Variants in NMNAT2 observed in about 807,000 individuals in gnomAD.
NMNAT2 encodes the protein nicotinamide nucleotide adenylyltransferase 2.
A neutral mutation model predicts 41.6 loss-of-function variants in NMNAT2; 11 were observed. The observed-to-expected ratio is 0.26, with a 90% confidence interval of 0.17 to 0.44. The LOEUF (loss-of-function observed/expected upper bound fraction) is 0.44. Among genes scored for constraint, NMNAT2 ranks in the 20% least tolerant of loss-of-function variants. NMNAT2 has a pLI of 1.00. For synonymous variants in NMNAT2, 148 were observed against 151.2 expected (o/e 0.98, Z 0.16); for missense variants, 288 against 407.7 (o/e 0.71, Z 2.53).
chr1:183,350,108 T>C (rs1025395032), intron 1 of NMNAT2, among the ~76,000 whole-genome samples: 1 of 152,174 alleles, frequency 6.6e-6, no homozygotes, highest in Non-Finnish European at 1.5e-5. Flanking sequence ...TATGAAGATA[T>C]ACAAGATACA....
intron 1 of NMNAT2, among the ~76,000 whole-genome samples, chr1:183,297,650 G>A (rs961969874): frequency 1.3e-5 from 2 of 152,138 alleles, no homozygotes; most frequent in African/African-American, 4.8e-5. Context: ...TAAAATGCTG[G>A]GATTACAGGC....
chr1:183,408,428 AT>A (rs1473442992), intron 1 of NMNAT2, among the ~76,000 whole-genome samples: 1 of 152,170 alleles, frequency 6.6e-6, no homozygotes. Context: ...TTTTTCAACC[AT>A]TTAAAAATGT....
chr1:183,370,245 C>CACAT (rs924941999), intron 1 of NMNAT2, among the ~76,000 whole-genome samples: 1 of 146,870 alleles, frequency 6.8e-6, no homozygotes, highest in Non-Finnish European at 1.5e-5. Flanking sequence ...CACACACACA[C>CACAT]ACACACACAC....
At chr1:183,335,804 A>G (rs555988501) in intron 1 of NMNAT2, among the ~76,000 whole-genome samples, 2 of 152,318 alleles carry the variant, frequency 1.3e-5, no homozygotes, top group Admixed American at 6.5e-5. Flanking sequence ...CATGTCTAAT[A>G]TATCTTCTGA....
intron 1 of NMNAT2, among the ~76,000 whole-genome samples, chr1:183,299,693 T>A (rs1482434389): frequency 6.6e-6 from 1 of 151,304 alleles, no homozygotes; most frequent in Non-Finnish European, 1.5e-5. Context: ...AGAAGATTAA[T>A]GCTTTCCAGG....
chr1:183,340,774 C>G (rs1402443425), intron 1 of NMNAT2, among the ~76,000 whole-genome samples: 2 of 152,170 alleles, frequency 1.3e-5, no homozygotes, highest in East Asian at 3.9e-4. Flanking sequence ...CCAAAGATGA[C>G]CTGCTGGATT....
At chr1:183,289,173 T>C (rs1362248464) in intron 4 of NMNAT2, among the ~76,000 whole-genome samples, 2 of 152,174 alleles carry the variant, frequency 1.3e-5, no homozygotes, top group African/African-American at 2.4e-5. Context: ...AGATGGGACA[T>C]GGGCTCTCCC....
At chr1:183,285,480 G>A (rs1342773713) in intron 5 of NMNAT2, among the ~76,000 whole-genome samples, 1 of 152,142 alleles carries the variant, frequency 6.6e-6, no homozygotes, top group Non-Finnish European at 1.5e-5. Context: ...ATCCCTCTGG[G>A]CTCCAATCCA....
chr1:183,366,709 G>A (rs1184509646), intron 1 of NMNAT2, among the ~76,000 whole-genome samples: 2 of 152,022 alleles, frequency 1.3e-5, no homozygotes, highest in Admixed American at 6.6e-5. Flanking sequence ...TTGAGTGAGT[G>A]GACTGAGGGA....
chr1:183,275,811 T>C (rs1661108121), intron 8 of NMNAT2, among the ~76,000 whole-genome samples: 1 of 152,158 alleles, frequency 6.6e-6, no homozygotes, highest in Non-Finnish European at 1.5e-5. Context: ...TAGCTGGGAC[T>C]ACAGGAGCCC....
At chr1:183,377,572 C>A (rs1228570496) in intron 1 of NMNAT2, among the ~76,000 whole-genome samples, 1 of 152,102 alleles carries the variant, frequency 6.6e-6, no homozygotes, top group Non-Finnish European at 1.5e-5. Flanking sequence ...GACTTCAAAC[C>A]CAGTCCAACC....
In NMNAT2 at chr1:183,411,454, C is replaced by T. The variant is rs369302415; in HGVS notation, c.85+6729G>A. On this transcript the variant is annotated intron_variant, in intron 1 of 10. Transcript: ENST00000287713. ...GAGTAGCTAGGATTACAGGCATGCA[C>T]CACCAGGCCTGGCAAATTTTTTGGA... 9.8e-5 allele frequency among the ~76,000 whole-genome samples: 15 copies of T among 152,294 alleles called. 1 individual carries two copies. In the South Asian group the frequency reaches 3.1e-3, roughly 32 times the overall value.
At chr1:183,344,001 C>T (rs1483283951) in intron 1 of NMNAT2, among the ~76,000 whole-genome samples, 1 of 152,196 alleles carries the variant, frequency 6.6e-6, no homozygotes, top group Non-Finnish European at 1.5e-5. Context: ...TGTCCTCTCT[C>T]AGGGTCTTTG....
intron 1 of NMNAT2, among the ~76,000 whole-genome samples, chr1:183,306,185 C>T (rs536083735): frequency 1.3e-3 from 194 of 152,104 alleles, no homozygotes; most frequent in African/African-American, 4.5e-3. Context: ...CCTTAGTCCC[C>T]GACAAACTGT....
intron 1 of NMNAT2, among the ~76,000 whole-genome samples, chr1:183,416,399 G>T (rs1649253610): frequency 2.0e-5 from 3 of 152,110 alleles, no homozygotes; most frequent in Admixed American, 2.0e-4. Context: ...TCAAGGGAGA[G>T]GAGTAAAGCG....
intron 1 of NMNAT2, among the ~76,000 whole-genome samples, chr1:183,310,848 GA>G (rs5779164): frequency 0.043 from 6,109 of 140,900 alleles, 331 homozygotes; most frequent in African/African-American, 0.13. Flanking sequence ...CCAAGGGAAG[GA>G]AAAAAAAAAA....
chr1:183,393,911 T>G (rs1011807024), intron 1 of NMNAT2, among the ~76,000 whole-genome samples: 1 of 152,204 alleles, frequency 6.6e-6, no homozygotes, highest in Non-Finnish European at 1.5e-5. Context: ...GATTCAACAT[T>G]GTTCTCTAAA....
At chr1:183,285,134 C>T (rs1167805697) in intron 5 of NMNAT2, among the ~76,000 whole-genome samples, 3 of 152,146 alleles carry the variant, frequency 2.0e-5, no homozygotes, top group Non-Finnish European at 4.4e-5. Context: ...AGAGATAACT[C>T]CTGCCAACCT....
chr1:183,273,959 C>A (rs936616662), intron 8 of NMNAT2, among the ~76,000 whole-genome samples: 5 of 151,262 alleles, frequency 3.3e-5, no homozygotes, highest in Non-Finnish European at 4.4e-5. Flanking sequence ...GTCACTCAGG[C>A]TAGAGTGCAG....
Sources: allele counts gnomAD v4.1 joint callset (sites outside exome capture counted in the v4.1 genomes callset), GRCh38; gene constraint gnomAD v4.1.1; transcripts MANE v1.5; gene names NCBI Gene and HGNC (gene_info 2026-07-23, HGNC 2026-07-21).